The following SKI variants were observed in gnomAD, a reference collection of about 807,000 sequenced individuals.
SKI encodes the protein SKI proto-oncogene.
Under a neutral mutation model 59.3 loss-of-function variants are expected in SKI, and 23 were observed. That is an observed-to-expected ratio of 0.39 (90% CI 0.28 to 0.55). The LOEUF (loss-of-function observed/expected upper bound fraction) is 0.55, where lower values mean the gene tolerates loss of function less well. Ranked by LOEUF, SKI falls within the 20% of genes least tolerant of loss-of-function variation. SKI has a pLI of 0.67. For missense variants in SKI, 1,017 were observed against 1,038.9 expected, an observed-to-expected ratio of 0.98 and a Z score of 0.29; for synonymous variants, 673 against 488.6, an observed-to-expected ratio of 1.38 and a Z score of -4.98.
intron 1 of SKI, among the ~76,000 whole-genome samples, chr1:2,275,169 C>T (rs2100861530): frequency 6.6e-6 from 1 of 152,332 alleles, no homozygotes; most frequent in Middle Eastern, 3.4e-3. Flanking sequence ...CCTTGGGGGC[C>T]CGGTGGAGAT....
intron 1 of SKI, among the ~76,000 whole-genome samples, chr1:2,238,107 C>T (rs1638791054): frequency 6.6e-6 from 1 of 152,222 alleles, no homozygotes; most frequent in African/African-American, 2.4e-5. Flanking sequence ...GGGTGGGCAT[C>T]CTTGGCTCCC....
Position 2,303,254 on chromosome 1 carries a change from G to C in SKI, c.1096-31G>C, listed in dbSNP as rs754739557. The C allele has an allele frequency of 2.5e-6, 4 of 1,609,124 alleles. No homozygotes were observed. ...CATGAAGTGGCTTGTTTTTCTCCTG[G>C]TCACTCACACAGACAACTCTTTCTC... On this transcript the variant is annotated intron_variant, in intron 2 of 6. Transcript: ENST00000378536. This position sits in a 1 kb window ranked among gnomAD's most constrained non-coding sequence, Gnocchi z 5.6.
At chr1:2,286,768 G>GC (rs1640048071) in intron 1 of SKI, among the ~76,000 whole-genome samples, 1 of 152,198 alleles carries the variant, frequency 6.6e-6, no homozygotes, top group South Asian at 2.1e-4. Context: ...CCGGTCGTGG[G>GC]CTAGTGGGAG....
At chr1:2,244,248 GCCACTGCACCTGGCCCCT>G (rs1402440327) in intron 1 of SKI, among the ~76,000 whole-genome samples, 1 of 151,464 alleles carries the variant, frequency 6.6e-6, no homozygotes, top group Non-Finnish European at 1.5e-5. Flanking sequence ...ACAGGCGTGA[GCCACTGCACCTGGCCCCT>G]CCTGACAACT....
chr1:2,233,185 G>T (rs977942061), intron 1 of SKI, among the ~76,000 whole-genome samples: 12 of 151,190 alleles, frequency 7.9e-5, no homozygotes. Flanking sequence ...CTGCTCCAAG[G>T]GGGGGTCCTG....
At chr1:2,252,951 C>T (rs1263758552) in intron 1 of SKI, among the ~76,000 whole-genome samples, 2 of 151,940 alleles carry the variant, frequency 1.3e-5, no homozygotes, top group Admixed American at 6.6e-5. Flanking sequence ...CAAAAATTAG[C>T]CGGGCGTGGT....
intron 1 of SKI, among the ~76,000 whole-genome samples, chr1:2,276,349 A>T (rs539454256): frequency 6.6e-6 from 1 of 152,226 alleles, no homozygotes; most frequent in East Asian, 1.9e-4. Flanking sequence ...TTGAGGTTTG[A>T]TATTTATCTC....
intron 1 of SKI, among the ~76,000 whole-genome samples, chr1:2,282,663 C>T (rs545478274): frequency 6.6e-6 from 1 of 152,358 alleles, no homozygotes; most frequent in South Asian, 2.1e-4. Flanking sequence ...CCCAGCCCTC[C>T]ACCCTCATGA....
intron 1 of SKI, among the ~76,000 whole-genome samples, chr1:2,255,790 C>G (rs1413615239): frequency 6.6e-6 from 1 of 151,642 alleles, no homozygotes; most frequent in East Asian, 1.9e-4. Context: ...ACTCTGTATC[C>G]TGACCTCATT....
intron 1 of SKI, among the ~76,000 whole-genome samples, chr1:2,230,265 C>T (rs1489218442): frequency 1.3e-5 from 2 of 152,214 alleles, no homozygotes; most frequent in Non-Finnish European, 1.5e-5. Context: ...GTTACTGGCT[C>T]CCGCTCCCTG....
intron 1 of SKI, among the ~76,000 whole-genome samples, chr1:2,289,734 A>T (rs1640122547): frequency 6.6e-6 from 1 of 152,016 alleles, no homozygotes; most frequent in Non-Finnish European, 1.5e-5. Flanking sequence ...CACAGCTCTC[A>T]GTTTGGCCCC....
At chr1:2,257,363 G>T (rs1569740392) in intron 1 of SKI, among the ~76,000 whole-genome samples, 1 of 152,392 alleles carries the variant, frequency 6.6e-6, no homozygotes, top group East Asian at 1.9e-4. Flanking sequence ...GCACCTGGGA[G>T]CCCGCGGATG....
chr1:2,262,612 G>A (rs1015580512), intron 1 of SKI, among the ~76,000 whole-genome samples: 2 of 152,236 alleles, frequency 1.3e-5, no homozygotes, highest in Non-Finnish European at 2.9e-5. Context: ...ATTTGGCACC[G>A]TCGAGTGTGA....
chr1:2,271,396 T>G (rs924376975), intron 1 of SKI, among the ~76,000 whole-genome samples: 2 of 152,042 alleles, frequency 1.3e-5, no homozygotes, highest in Non-Finnish European at 2.9e-5. Flanking sequence ...GAGCCTGTTA[T>G]GGAGCCGCGT....
At position 2,306,175 on chromosome 1, in the gene SKI, G is replaced by T. The variant is rs199666240; in HGVS notation, c.1923G>T (p.Leu641=). The T allele has an allele frequency of 6.3e-7, 1 of 1,591,330 alleles. No homozygotes were observed. The highest frequency in any genetic ancestry group is 1.3e-5 in the African/African-American group (1 of 74,748). ...NESRLRLKRE[L]EQARQARVCD... is the part of the protein sequence containing the mutation. ...CACGGCTGCGCCTGAAGCGGGAGCT[G>T]GAGCAGGCGCGGCAGGCCCGGGTGT... The change falls in exon 6 of 7, where the codon CTG becomes CTT. Residue 641 remains leucine (L), a synonymous_variant. Coordinates refer to ENST00000378536, the MANE Select transcript of SKI (RefSeq NM_003036.4).
At chr1:2,256,237 T>C (rs1639272406) in intron 1 of SKI, among the ~76,000 whole-genome samples, 1 of 150,816 alleles carries the variant, frequency 6.6e-6, no homozygotes, top group African/African-American at 2.4e-5. Context: ...TCATTTCCTG[T>C]CTTGTGTCCT....
Position 2,270,830 on chromosome 1 carries a change from C to T in SKI, c.970-32148C>T, listed in dbSNP as rs921057962. On this transcript the variant is annotated intron_variant, in intron 1 of 6. Transcript: ENST00000378536. This position sits in a 1 kb window ranked among gnomAD's most constrained non-coding sequence, Gnocchi z 4.1. ...TCCCTTTGCTGGACTCTCCAGAGGA[C>T]CAGCATGGAGGTGCACAAGTTCACA... 1.3e-5 allele frequency among the ~76,000 whole-genome samples: 2 copies of T among 152,196 alleles called. No homozygotes were observed. Among genetic ancestry groups the T allele is most frequent in the Non-Finnish European group, 2.9e-5 (2 of 68,038 alleles).
In SKI at chr1:2,234,923, G is replaced by A. The variant is rs376010184; in HGVS notation, c.969+5188G>A. 1.2e-3 allele frequency among the ~76,000 whole-genome samples: 182 copies of A among 152,248 alleles called. 1 individual carries two copies. Among genetic ancestry groups the A allele is most frequent in the African/African-American group, 4.3e-3 (178 of 41,576 alleles). The stretch of plus-strand genomic sequence containing the variant: ...GTCACCAGGCCAGGGTGTCATGGAG[G>A]GGGGGCTGCCTGGGGACCAGCTCTT... On this transcript the variant is annotated intron_variant, in intron 1 of 6. Transcript: ENST00000378536.
rs1182466322 is a variant in SKI at position 2,308,259 on chromosome 1, G to A, written c.*1494G>A. On this transcript the variant is annotated 3_prime_UTR_variant, in exon 7 of 7. Transcript: ENST00000378536. ...GGAGGTTACTTGCCCAGGTACAGAC[G>A]ACCTCGGGGCAGTGACGAGCAAAGA... 6.6e-6 allele frequency: 1 copy of A among 152,150 alleles called. No individual in the cohort carries two copies. Among genetic ancestry groups the A allele is most frequent in the Non-Finnish European group, 1.5e-5 (1 of 68,034 alleles). 9.4% of individuals were successfully genotyped at this position (152,150 alleles called of 1,614,324 possible). A position where few individuals can be genotyped will look rare whatever the true frequency, so the allele number is the denominator to read the frequency against.
Sources: gnomAD v4.1 joint callset for allele counts (sites outside exome capture counted in the v4.1 genomes callset) on GRCh38, gnomAD v4.1.1 for gene constraint, Gnocchi (gnomAD v3.1) non-coding constraint, MANE v1.5 for transcripts, NCBI Gene and HGNC (gene_info 2026-07-23, HGNC 2026-07-21) for gene names.